RXFP1: variants seen among roughly 807,000 people sequenced by gnomAD.
The protein encoded by RXFP1 is relaxin receptor 1.
RXFP1 carries 73 observed loss-of-function variants against 89.8 expected under a neutral mutation model. The ratio of observed to expected loss-of-function variants is 0.81; its 90% CI spans 0.67 to 0.99. RXFP1 has a LOEUF of 0.99. Among genes scored for constraint, RXFP1 ranks in the 50% least tolerant of loss-of-function variants. The pLI is 0.00. For missense variants in RXFP1, 793 were observed against 895.5 expected (o/e 0.89, Z 1.46); for synonymous variants, 277 against 305.5 (o/e 0.91, Z 0.97).
chr4:158,626,519 A>G (rs556725539), intron 9 of RXFP1, among the ~76,000 whole-genome samples: 4 of 152,272 alleles, frequency 2.6e-5, no homozygotes, highest in African/African-American at 9.6e-5. Context: ...TTAGGTGTTT[A>G]TCATAACAAA....
At chr4:158,641,687 G>A (rs1770407204) in intron 14 of RXFP1, among the ~76,000 whole-genome samples, 1 of 152,120 alleles carries the variant, frequency 6.6e-6, no homozygotes, top group South Asian at 2.1e-4. Context: ...TCTTATTATA[G>A]CTCTTTATAC....
chr4:158,626,148 A>ATAGATAGATAGATAGATAGATAGT (rs1554019530), intron 9 of RXFP1, among the ~76,000 whole-genome samples: 1,932 of 149,724 alleles, frequency 0.013, 42 homozygotes, highest in African/African-American at 0.032. Flanking sequence ...AGATAGATAG[A>ATAGATAGATAGATAGATAGATAGT]TAGATAGATA....
In RXFP1 at chr4:158,607,814, T is replaced by G. The variant is rs541008745; in HGVS notation, c.465-158T>G. Among the ~76,000 whole-genome samples, 3 of 152,370 alleles carry G rather than the reference T, an allele frequency of 2.0e-5. No individual in the cohort carries two copies. The East Asian group carries it at 5.8e-4, about 29-fold the overall frequency. Reference sequence around the variant, plus strand: ...GTCATCAAATACACATAACATAAAATGTGGCATCTTAACCATTTTTAAGTC... The same window carrying G: ...GTCATCAAATACACATAACATAAAAGGTGGCATCTTAACCATTTTTAAGTC... On this transcript the variant is annotated intron_variant, in intron 5 of 17. Transcript: ENST00000307765.
chr4:158,529,229 T>A (rs1390817423), intron 1 of RXFP1, among the ~76,000 whole-genome samples: 2 of 62,858 alleles, frequency 3.2e-5, no homozygotes, highest in Non-Finnish European at 8.8e-5. Flanking sequence ...GATCTCTTTT[T>A]TTGCTTGCTT....
intron 15 of RXFP1, 51 bp downstream of exon 15, chr4:158,645,189 C>G (rs778711997): frequency 3.0e-5 from 41 of 1,375,672 alleles, no homozygotes; most frequent in Middle Eastern, 3.6e-4. Flanking sequence ...TATACAAAAG[C>G]TTTATTATTA....
Position 158,550,086 on chromosome 4 carries a change from G to A in RXFP1, c.50-22612G>A, listed in dbSNP as rs538560323. Among the ~76,000 whole-genome samples the A allele has an allele frequency of 1.0e-3, 158 of 152,350 alleles. 1 individual carries two copies. Among genetic ancestry groups the A allele is most frequent in the Non-Finnish European group, 1.2e-4 (8 of 68,030 alleles). On this transcript the variant is annotated intron_variant, in intron 1 of 17. Coordinates refer to ENST00000307765, the MANE Select transcript of RXFP1 (RefSeq NM_021634.4). ...AGAGGCAGGCAGGCCTCCTTGAGCT[G>A]TGGTGGGCTCCACCCAGTTCAAGCT... is the stretch of plus-strand genomic sequence containing the variant.
intron 2 of RXFP1, among the ~76,000 whole-genome samples, chr4:158,585,710 T>G (rs1758168125): frequency 1.3e-5 from 2 of 152,314 alleles, no homozygotes; most frequent in Admixed American, 6.5e-5. Context: ...TAGTAGTCAC[T>G]GAGGTATACA....
intron 1 of RXFP1, among the ~76,000 whole-genome samples, chr4:158,527,564 A>AAAAAAAATATATAT (rs5741905): frequency 1.7e-4 from 17 of 98,312 alleles, no homozygotes; most frequent in Middle Eastern, 6.4e-3. Flanking sequence ...AAAAAAAAAA[A>AAAAAAAATATATAT]ATATATATAT....
intron 5 of RXFP1, among the ~76,000 whole-genome samples, chr4:158,607,537 C>T (rs1247406971): frequency 6.6e-6 from 1 of 152,194 alleles, no homozygotes; most frequent in Non-Finnish European, 1.5e-5. Flanking sequence ...AGAATTATAA[C>T]AAGACCCGTA....
At chr4:158,645,231 G>T in intron 15 of RXFP1, 93 bp downstream of exon 15, 1 of 923,620 alleles carries the variant, frequency 1.1e-6, no homozygotes, top group East Asian at 2.6e-5. Flanking sequence ...TAGAATTATG[G>T]AATTTTACAT....
chr4:158,542,698 C>A (rs1172785964), intron 1 of RXFP1, among the ~76,000 whole-genome samples: 1 of 152,164 alleles, frequency 6.6e-6, no homozygotes, highest in Non-Finnish European at 1.5e-5. Context: ...ACCCTAAACC[C>A]CACACCTTGC....
At position 158,593,477 on chromosome 4, in the gene RXFP1, T is replaced by G. The variant is rs746927510; in HGVS notation, c.264T>G (p.Phe88Leu). The G allele has an allele frequency of 2.5e-6, 4 of 1,607,466 alleles. No homozygotes were observed. The highest frequency in any genetic ancestry group is 1.1e-5 in the South Asian group (1 of 90,728). Reference protein sequence around the residue: ...SYYKMTSQYPFEAETPECLVG... With the variant: ...SYYKMTSQYPLEAETPECLVG... ...ACAAAATGACTTCCCAATATCCTTT[T>G]GAGGCAGAAACACCTGAATGTTGTA... The change falls in exon 3 of 18, where the codon TTT becomes TTG. Residue 88 changes from phenylalanine (F) to leucine (L), a missense_variant. By Grantham distance (22) the Phe-to-Leu change is conservative (BLOSUM62 0). Coordinates refer to ENST00000307765, the MANE Select transcript of RXFP1 (RefSeq NM_021634.4).
chr4:158,531,595 CA>C (rs1744060912), intron 1 of RXFP1, among the ~76,000 whole-genome samples: 1 of 152,122 alleles, frequency 6.6e-6, no homozygotes, highest in African/African-American at 2.4e-5. Flanking sequence ...AAGGTAATGC[CA>C]GCATTCTCTG....
At chr4:158,591,198 TG>T (rs1157885472) in intron 2 of RXFP1, among the ~76,000 whole-genome samples, 1 of 152,120 alleles carries the variant, frequency 6.6e-6, no homozygotes, top group Non-Finnish European at 1.5e-5. Context: ...CATTCTAAAG[TG>T]GGGGTAGAAT....
chr4:158,571,533 A>G (rs1236206036), intron 1 of RXFP1, among the ~76,000 whole-genome samples: 1 of 152,120 alleles, frequency 6.6e-6, no homozygotes, highest in East Asian at 1.9e-4. Context: ...GTGGTGGTGC[A>G]TGCCTGTAAT....
intron 1 of RXFP1, among the ~76,000 whole-genome samples, chr4:158,559,668 C>G (rs905801556): frequency 3.3e-5 from 5 of 152,126 alleles, no homozygotes; most frequent in Non-Finnish European, 5.9e-5. Context: ...CCACTTTTTT[C>G]TACTTTAATG....
intron 1 of RXFP1, 28 bp downstream of exon 1, chr4:158,522,053 A>G (rs1052573474): frequency 1.5e-6 from 2 of 1,344,596 alleles, no homozygotes; most frequent in East Asian, 2.3e-5. Context: ...CTAATTTTGT[A>G]TACCTTAGTA....
At chr4:158,634,806 G>A (rs2150216694) in intron 12 of RXFP1, among the ~76,000 whole-genome samples, 1 of 152,220 alleles carries the variant, frequency 6.6e-6, no homozygotes, top group South Asian at 2.1e-4. Context: ...CCCATTGAAT[G>A]TCCTTGGCAC....
chr4:158,620,959 A>G (rs932265895), intron 9 of RXFP1, among the ~76,000 whole-genome samples: 6 of 152,056 alleles, frequency 3.9e-5, no homozygotes, highest in African/African-American at 1.4e-4. Flanking sequence ...TGTCTCTATT[A>G]AAATTTTTTT....
Sources: gnomAD v4.1 joint callset for allele counts (sites outside exome capture counted in the v4.1 genomes callset) on GRCh38, gnomAD v4.1.1 for gene constraint, MANE v1.5 for transcripts, NCBI Gene and HGNC (gene_info 2026-07-23, HGNC 2026-07-21) for gene names.